Variants in GFRA4 observed in about 807,000 individuals in gnomAD.
GFRA4 encodes the protein GDNF family receptor alpha 4.
A neutral mutation model predicts 28.5 loss-of-function variants in GFRA4; 31 were observed. The observed-to-expected ratio is 1.09, with a 90% confidence interval of 0.82 to 1.47. GFRA4 has a LOEUF of 1.47. GFRA4 is among the 40% of genes most tolerant of loss of function. The pLI is 0.00. For synonymous variants in GFRA4, 188 were observed against 188.0 expected (o/e 1.00, Z 0.00); for missense variants, 389 against 413.2 (o/e 0.94, Z 0.51).
chr20:3,661,109 G>T lies in GFRA4; in HGVS notation c.227C>A (p.Pro76Gln), dbSNP rs1296914328. The T allele has an allele frequency of 4.6e-6, 6 of 1,309,010 alleles. No homozygotes were observed. The highest frequency in any genetic ancestry group is 1.6e-5 in the African/African-American group (1 of 64,454). 81.1% of individuals were successfully genotyped at this position (1,309,010 alleles called of 1,614,324 possible). ...RALRRFFARG[P>Q]PALTHALLFC... is the part of the protein sequence containing the mutation. The stretch of plus-strand genomic sequence containing the variant: ...GAGCAGTGCGTGGGTGAGCGCGGGC[G>T]GCCCGCGGGCGAAGAAGCGGCGCAG... The change falls in exon 2 of 6, where the codon CCG (proline) becomes CAG (glutamine). Residue 76 changes from proline to glutamine, a missense_variant. Coordinates refer to ENST00000290417, the MANE Select transcript of GFRA4 (RefSeq NM_022139.4).
In GFRA4 at chr20:3,659,878, C is replaced by G; in HGVS notation, c.*31G>C. Reference sequence around the variant, plus strand: ...GGCCCAGGCAGGCAGGGTGGAGTAGCTGGCTGTGCTATCCGAGGTCGCTGT... The same window carrying G: ...GGCCCAGGCAGGCAGGGTGGAGTAGGTGGCTGTGCTATCCGAGGTCGCTGT... On this transcript the variant is annotated 3_prime_UTR_variant, in exon 6 of 6. Coordinates refer to ENST00000290417, the MANE Select transcript of GFRA4 (RefSeq NM_022139.4). 2 of 1,564,088 alleles carry G rather than the reference C, an allele frequency of 1.3e-6. No individual in the cohort carries two copies. Among genetic ancestry groups the G allele is most frequent in the Middle Eastern group, 1.7e-4 (1 of 5,990 alleles).
At position 3,660,857 on chromosome 20, in the gene GFRA4, G is replaced by T; in HGVS notation, c.400C>A (p.Leu134Ile). The T allele has an allele frequency of 7.0e-7, 1 of 1,419,822 alleles. No individual in the cohort carries two copies. The highest frequency in any genetic ancestry group is 1.5e-5 in the African/African-American group (1 of 66,982). 88.0% of individuals were successfully genotyped at this position (1,419,822 alleles called of 1,614,324 possible). The change falls in exon 3 of 6, where the codon CTC (leucine) becomes ATC (isoleucine). Residue 134 changes from leucine (L) to isoleucine (I), a missense_variant. Transcript: ENST00000290417. ...CERSRVCRPR[L>I]LAFQVSCTPA... ...GTGCACGAGACCTGAAAGGCCAGGAGGCGAGGCCTGCGCGGCGGGAGGGCG... is the reference window on the plus strand; with the variant it reads ...GTGCACGAGACCTGAAAGGCCAGGATGCGAGGCCTGCGCGGCGGGAGGGCG...
At chr20:3,662,181 C>G (rs666981) in intron 1 of GFRA4, among the ~76,000 whole-genome samples, 1 of 152,126 alleles carries the variant, frequency 6.6e-6, no homozygotes, top group East Asian at 1.9e-4. Flanking sequence ...AGAGAAGGTG[C>G]CTGGCACCCC....
Position 3,661,112 on chromosome 20 carries a change from C to T in GFRA4, c.224G>A (p.Gly75Glu). The change falls in exon 2 of 6, where the codon GGG becomes GAG. Residue 75 changes from glycine to glutamate, a missense_variant. Transcript: ENST00000290417. ...RRALRRFFAR[G>E]PPALTHALLF... The stretch of plus-strand genomic sequence containing the variant: ...CAGTGCGTGGGTGAGCGCGGGCGGC[C>T]CGCGGGCGAAGAAGCGGCGCAGGGC... 1 of 1,310,558 alleles carries T rather than the reference C, an allele frequency of 7.6e-7. No individual in the cohort carries two copies. The highest frequency in any genetic ancestry group is 9.6e-7 in the Non-Finnish European group (1 of 1,037,930). The allele number at this position is 1,310,558 out of a possible 1,614,324, so 81.2% of individuals were successfully genotyped here.
Position 3,661,301 on chromosome 20 carries a change from G to A in GFRA4, c.47-12C>T, listed in dbSNP as rs918684479. Reference sequence around the variant, plus strand: ...CGAGCTCGCCGACCCTGGGAAAGGCGCGGGGAGGCTGCAGGTCTCAGTGCG... The same window carrying A: ...CGAGCTCGCCGACCCTGGGAAAGGCACGGGGAGGCTGCAGGTCTCAGTGCG... On this transcript the variant is annotated splice_polypyrimidine_tract_variant and intron_variant, in intron 1 of 5. Coordinates refer to ENST00000290417, the MANE Select transcript of GFRA4 (RefSeq NM_022139.4). 7 of 1,451,442 alleles carry A rather than the reference G, an allele frequency of 4.8e-6. No homozygotes were observed. The highest frequency in any genetic ancestry group is 6.3e-6 in the Non-Finnish European group (7 of 1,107,436). The allele number at this position is 1,451,442 out of a possible 1,614,324, so 89.9% of individuals were successfully genotyped here.
chr20:3,661,033 G>T lies in GFRA4; in HGVS notation c.303C>A (p.Phe101Leu), dbSNP rs2087216403. The T allele has an allele frequency of 6.8e-7, 1 of 1,465,140 alleles. No homozygotes were observed. The highest frequency in any genetic ancestry group is 9.0e-7 in the Non-Finnish European group (1 of 1,115,448). 90.8% of individuals were successfully genotyped at this position (1,465,140 alleles called of 1,614,324 possible). ...GCCCCGAAAAGGCGCAGGAGGGCAC[G>T]AAGGTCTGGCGCCGACGCTCGGCGC... Reference protein sequence around the residue: ...PACAERRRQTFVPSCAFSGPG... With the variant: ...PACAERRRQTLVPSCAFSGPG... Residue 101 changes from phenylalanine (F) to leucine (L), a missense_variant, in exon 2 of 6, where the codon TTC (phenylalanine) becomes TTA (leucine). Coordinates refer to ENST00000290417, the MANE Select transcript of GFRA4 (RefSeq NM_022139.4).
chr20:3,660,038 C>A (rs1349858779), intron 5 of GFRA4, 49 bp from the exon 6 acceptor site: 3 of 1,527,180 alleles, frequency 2.0e-6, no homozygotes, highest in South Asian at 1.2e-5. Flanking sequence ...CCTGTCTCTG[C>A]CCTCTGCCTG....
intron 1 of GFRA4, 81 bp from the exon 2 acceptor site, chr20:3,661,370 G>A: frequency 7.5e-7 from 1 of 1,333,270 alleles, no homozygotes; most frequent in Non-Finnish European, 9.6e-7. Flanking sequence ...CCCCTGGAAG[G>A]TGGGGGACAC....
Position 3,660,629 on chromosome 20 carries a change from G to A in GFRA4, c.534C>T (p.Asn178=), listed in dbSNP as rs1482659951. 2 of 1,551,540 alleles carry A rather than the reference G, an allele frequency of 1.3e-6. No individual in the cohort carries two copies. Among genetic ancestry groups the A allele is most frequent in the Non-Finnish European group, 1.7e-6 (2 of 1,147,784 alleles). ...GTAVTPNYVD[N]VSARVAPWCD... ...ACCAGGGCGCCACGCGCGCGCTCACGTTGTCCACGTAGTTAGGGGTGACGG... is the reference window on the plus strand; with the variant it reads ...ACCAGGGCGCCACGCGCGCGCTCACATTGTCCACGTAGTTAGGGGTGACGG... The change falls in exon 4 of 6, where the codon AAC becomes AAT. Residue 178 remains asparagine, a synonymous_variant. Coordinates refer to ENST00000290417, the MANE Select transcript of GFRA4 (RefSeq NM_022139.4).
Position 3,661,291 on chromosome 20 carries a change from T to C in GFRA4, c.47-2A>G, listed in dbSNP as rs974156567. The C allele has an allele frequency of 6.9e-6, 10 of 1,459,048 alleles. No homozygotes were observed. In the African/African-American group the frequency reaches 1.2e-4, roughly 17 times the overall value. The allele number at this position is 1,459,048 out of a possible 1,614,324, so 90.4% of individuals were successfully genotyped here. A position where few individuals can be genotyped will look rare whatever the true frequency, so the allele number is the denominator to read the frequency against. ...TCCCTCCGACCGAGCTCGCCGACCCTGGGAAAGGCGCGGGGAGGCTGCAGG... is the reference window on the plus strand; with the variant it reads ...TCCCTCCGACCGAGCTCGCCGACCCCGGGAAAGGCGCGGGGAGGCTGCAGG... On this transcript the variant is annotated splice_acceptor_variant, in intron 1 of 5. Transcript: ENST00000290417. LOFTEE classifies it high-confidence loss of function.
rs1050273672 is a variant in GFRA4 at position 3,659,477 on chromosome 20, C to T, written c.*432G>A. On this transcript the variant is annotated 3_prime_UTR_variant, in exon 6 of 6. Coordinates refer to ENST00000290417, the MANE Select transcript of GFRA4 (RefSeq NM_022139.4). ...ATGCAGTGTTAGACGGGGTCTTGTC[C>T]GATGGATTCCTTAGGGGGTTATATG... The T allele has an allele frequency of 9.3e-5, 18 of 193,424 alleles. No homozygotes were observed. The highest frequency in any genetic ancestry group is 3.1e-4 in the African/African-American group (13 of 41,814). The allele number at this position is 193,424 out of a possible 1,614,324, so 12.0% of individuals were successfully genotyped here.
At chr20:3,660,692 C>A in intron 3 of GFRA4, 32 bp from the exon 4 acceptor site, 1 of 1,530,100 alleles carries the variant, frequency 6.5e-7, no homozygotes, top group East Asian at 2.5e-5. Flanking sequence ...AGTCATCGGC[C>A]CACCCGGGCG....
In GFRA4 at chr20:3,660,963, C is replaced by A. The variant is rs1268454727; in HGVS notation, c.373G>T (p.Glu125Ter). The change falls in exon 2 of 6, where the codon GAG becomes TAG. Residue 125 changes from glutamate (E) to a stop codon, truncating the protein, a stop_gained. Transcript: ENST00000290417. LOFTEE classifies it high-confidence loss of function. ...PSCLEPLNFCERSRVCRPRLL... is the reference protein window; with the variant it reads ...PSCLEPLNFC The stretch of plus-strand genomic sequence containing the variant: ...GCGCACCTGCAGACCCGGCTGCGCT[C>A]GCAGAAGTTTAAGGGCTCAAGGCAG... 6.3e-6 allele frequency: 9 copies of A among 1,433,612 alleles called. No homozygotes were observed. The highest frequency in any genetic ancestry group is 6.3e-5 in the Admixed American group (2 of 31,726). 88.8% of individuals were successfully genotyped at this position (1,433,612 alleles called of 1,614,324 possible).
chr20:3,660,933 C>A lies in GFRA4; in HGVS notation c.392+11G>T, dbSNP rs1435213524. Reference sequence around the variant, plus strand: ...CACCCTCGCCACGGCCCCGCCGCCGCCCGCGCGCACCTGCAGACCCGGCTG... The same window carrying A: ...CACCCTCGCCACGGCCCCGCCGCCGACCGCGCGCACCTGCAGACCCGGCTG... On this transcript the variant is annotated intron_variant, in intron 2 of 5. Transcript: ENST00000290417. 5.1e-5 allele frequency: 71 copies of A among 1,383,302 alleles called. No homozygotes were observed. Among genetic ancestry groups the A allele is most frequent in the Non-Finnish European group, 6.4e-5 (69 of 1,080,152 alleles). The allele number at this position is 1,383,302 out of a possible 1,614,324, so 85.7% of individuals were successfully genotyped here. A position where few individuals can be genotyped will look rare whatever the true frequency, so the allele number is the denominator to read the frequency against.
intron 1 of GFRA4, among the ~76,000 whole-genome samples, chr20:3,662,816 C>T (rs184074143): frequency 8.3e-4 from 126 of 152,298 alleles, no homozygotes; most frequent in African/African-American, 3.0e-3. Flanking sequence ...TACCTGTCAC[C>T]CTTGCCCAGA....
rs749026491 is a variant in GFRA4 at position 3,660,187 on chromosome 20, G to A, written c.700C>T (p.Gln234Ter). The A allele has an allele frequency of 3.1e-6, 5 of 1,599,482 alleles. No individual in the cohort carries two copies. The Admixed American group carries it at 8.7e-5, about 28-fold the overall frequency. Residue 234 changes from glutamine (Q) to a stop codon, truncating the protein, a stop_gained, in exon 5 of 6, where the codon CAG becomes TAG. Transcript: ENST00000290417. LOFTEE classifies it low-confidence loss of function (END_TRUNC). ...AGGAGGCTGTGCTCCGGGTCTCCCT[G>A]GGGGTTCAGCTGGTCCAGCAGGACT... ...PPVLLDQLNP[Q>*]GDPEHSLLQV...
Position 3,660,794 on chromosome 20 carries a change from G to C in GFRA4, c.463C>G (p.Gln155Glu), listed in dbSNP as rs1230094080. ...TAGGCGCGCAGGCAGCGGGCGCCCT[G>C]GTCCAGCAGGCAGCCGTCGGGGGCG... ...PSAPDGCLLD[Q>E]GARCLRAYAG... is the part of the protein sequence containing the mutation. The change falls in exon 3 of 6, where the codon CAG becomes GAG. Residue 155 changes from glutamine (Q) to glutamate (E), a missense_variant. Transcript: ENST00000290417. 1.4e-6 allele frequency: 2 copies of C among 1,413,424 alleles called. No homozygotes were observed. Among genetic ancestry groups the C allele is most frequent in the Admixed American group, 3.2e-5 (1 of 30,790 alleles). The allele number at this position is 1,413,424 out of a possible 1,614,324, so 87.6% of individuals were successfully genotyped here. A position where few individuals can be genotyped will look rare whatever the true frequency, so the allele number is the denominator to read the frequency against.
chr20:3,660,281 C>T (rs1346384172), intron 4 of GFRA4, 32 bp from the exon 5 acceptor site: 1 of 1,544,084 alleles, frequency 6.5e-7, no homozygotes, highest in Non-Finnish European at 8.8e-7. Flanking sequence ...GTGGACTTAG[C>T]TGGGAAACCC....
At position 3,660,618 on chromosome 20, in the gene GFRA4, C is replaced by A. The variant is rs200485905; in HGVS notation, c.545G>T (p.Arg182Leu). Residue 182 changes from arginine (R) to leucine (L), a missense_variant, in exon 4 of 6, where the codon CGC (arginine) becomes CTC (leucine). Arg to Leu is a moderately radical substitution (Grantham distance 102). Coordinates refer to ENST00000290417, the MANE Select transcript of GFRA4 (RefSeq NM_022139.4). ...TCCGCAGTCGCACCAGGGCGCCACG[C>A]GCGCGCTCACGTTGTCCACGTAGTT... ...TPNYVDNVSARVAPWCDCGAS... is the reference protein window; with the variant it reads ...TPNYVDNVSALVAPWCDCGAS... 9.0e-6 allele frequency: 14 copies of A among 1,551,128 alleles called. No homozygotes were observed. The African/African-American group carries it at 1.9e-4, about 21-fold the overall frequency.
Sources: gnomAD v4.1 joint callset for allele counts (sites outside exome capture counted in the v4.1 genomes callset) on GRCh38, gnomAD v4.1.1 for gene constraint, MANE v1.5 for transcripts, NCBI Gene and HGNC (gene_info 2026-07-23, HGNC 2026-07-21) for gene names.